TTC29: variants seen among roughly 807,000 people sequenced by gnomAD.
The protein encoded by TTC29 is tetratricopeptide repeat protein 29.
TTC29 carries 49 observed loss-of-function variants against 58.1 expected under a neutral mutation model. The ratio of observed to expected loss-of-function variants is 0.84; its 90% confidence interval spans 0.67 to 1.07. The LOEUF (loss-of-function observed/expected upper bound fraction) is 1.07, where lower values mean the gene tolerates loss of function less well. Ranked by LOEUF, TTC29 falls within the 50% of genes least tolerant of loss-of-function variation. The pLI, the probability that TTC29 is intolerant of heterozygous loss-of-function variation, is 0.00. For missense variants in TTC29, 582 were observed against 555.6 expected (o/e 1.05, Z -0.48); for synonymous variants, 209 against 196.8 (o/e 1.06, Z -0.52).
chr4:146,850,230 T>G (rs1277645484), intron 8 of TTC29, among the ~76,000 whole-genome samples: 3 of 152,190 alleles, frequency 2.0e-5, no homozygotes, highest in African/African-American at 2.4e-5. Flanking sequence ...TAACACCCCA[T>G]GCATTGGCAT....
chr4:146,943,595 A>C (rs945573056), intron 2 of TTC29, among the ~76,000 whole-genome samples: 5 of 152,314 alleles, frequency 3.3e-5, no homozygotes, highest in Non-Finnish European at 1.5e-5. Context: ...TCTCAGAATC[A>C]ATACGTGGCC....
intron 11 of TTC29, among the ~76,000 whole-genome samples, chr4:146,766,443 A>G (rs1475502347): frequency 6.6e-6 from 1 of 152,096 alleles, no homozygotes; most frequent in Non-Finnish European, 1.5e-5. Context: ...TGACATTCTT[A>G]AAGCATTGAT....
At chr4:146,721,931 G>C (rs551473187) in intron 11 of TTC29, among the ~76,000 whole-genome samples, 3 of 152,048 alleles carry the variant, frequency 2.0e-5, no homozygotes, top group South Asian at 2.1e-4. Flanking sequence ...CTGCCAAAAG[G>C]CTCCTGGAAC....
chr4:146,899,300 T>C (rs941003512), intron 6 of TTC29, among the ~76,000 whole-genome samples: 1 of 152,170 alleles, frequency 6.6e-6, no homozygotes, highest in Non-Finnish European at 1.5e-5. Context: ...TAGACCTCTG[T>C]GTGCAGCTCT....
At chr4:146,726,675 C>T (rs1227016894) in intron 11 of TTC29, among the ~76,000 whole-genome samples, 1 of 152,134 alleles carries the variant, frequency 6.6e-6, no homozygotes, top group Non-Finnish European at 1.5e-5. Context: ...ATGCATATTA[C>T]TGATGACTTT....
chr4:146,900,011 G>A (rs1025083663), intron 6 of TTC29, among the ~76,000 whole-genome samples: 5 of 152,128 alleles, frequency 3.3e-5, no homozygotes, highest in African/African-American at 4.8e-5. Flanking sequence ...GACCACCATC[G>A]CCTCAGAGGG....
chr4:146,908,976 G>C (rs1409651490), intron 5 of TTC29, 50 bp downstream of exon 5: 1 of 1,489,150 alleles, frequency 6.7e-7, no homozygotes, highest in Non-Finnish European at 9.3e-7. Context: ...TCCCCCAGGA[G>C]CTCGGTGTTC....
intron 11 of TTC29, among the ~76,000 whole-genome samples, chr4:146,722,251 C>G (rs942734949): frequency 2.0e-5 from 3 of 152,120 alleles, no homozygotes; most frequent in African/African-American, 7.2e-5. Flanking sequence ...TCCAAATCAA[C>G]CTGCAGATTC....
At chr4:146,736,729 GAAAT>G (rs1744736047) in intron 11 of TTC29, among the ~76,000 whole-genome samples, 1 of 152,186 alleles carries the variant, frequency 6.6e-6, no homozygotes, top group Non-Finnish European at 1.5e-5. Context: ...CCTGAAACCT[GAAAT>G]ACTCATGATG....
intron 11 of TTC29, among the ~76,000 whole-genome samples, chr4:146,751,421 T>C (rs1745981194): frequency 6.6e-6 from 1 of 152,178 alleles, no homozygotes; most frequent in South Asian, 2.1e-4. Context: ...TTTTCACTAG[T>C]GGACATAAAA....
intron 6 of TTC29, among the ~76,000 whole-genome samples, chr4:146,893,398 T>A (rs1231719859): frequency 6.6e-6 from 1 of 152,168 alleles, no homozygotes. Context: ...CCATCTGATC[T>A]TTGACAAACC....
chr4:146,938,277 C>T (rs558665517), intron 3 of TTC29, among the ~76,000 whole-genome samples: 2 of 152,236 alleles, frequency 1.3e-5, no homozygotes, highest in South Asian at 2.1e-4. Context: ...ATCAACCTCT[C>T]ATAACTATGA....
intron 11 of TTC29, among the ~76,000 whole-genome samples, chr4:146,795,120 G>A (rs1023568386): frequency 1.3e-5 from 2 of 152,102 alleles, no homozygotes; most frequent in African/African-American, 4.8e-5. Context: ...TGAAATGAAA[G>A]GAAGAGAAAA....
chr4:146,765,039 T>G (rs1283716868), intron 11 of TTC29, among the ~76,000 whole-genome samples: 1 of 152,132 alleles, frequency 6.6e-6, no homozygotes, highest in East Asian at 1.9e-4. Context: ...ACCAAAAAAG[T>G]CTTCATTAAT....
intron 11 of TTC29, among the ~76,000 whole-genome samples, chr4:146,718,737 T>G (rs1743128224): frequency 6.6e-6 from 1 of 152,186 alleles, no homozygotes; most frequent in African/African-American, 2.4e-5. Flanking sequence ...CTGTTTTTGC[T>G]TTTGTTGCTA....
At chr4:146,860,519 C>G (rs915198170) in intron 8 of TTC29, among the ~76,000 whole-genome samples, 1 of 151,966 alleles carries the variant, frequency 6.6e-6, no homozygotes, top group African/African-American at 2.4e-5. Context: ...GTATTGAATC[C>G]TATATTCACT....
At chr4:146,804,047 C>T (rs779817569) in intron 10 of TTC29, among the ~76,000 whole-genome samples, 19 of 152,106 alleles carry the variant, frequency 1.2e-4, no homozygotes, top group Non-Finnish European at 2.1e-4. Context: ...CTGAGGTAAC[C>T]GGCTCATCTC....
intron 6 of TTC29, among the ~76,000 whole-genome samples, chr4:146,895,461 T>C (rs1477659013): frequency 1.3e-5 from 2 of 152,204 alleles, no homozygotes; most frequent in Non-Finnish European, 2.9e-5. Context: ...TCCTTCATTC[T>C]TCACTTCTCA....
chr4:146,721,193 C>T (rs566731737), intron 11 of TTC29, among the ~76,000 whole-genome samples: 2 of 152,104 alleles, frequency 1.3e-5, no homozygotes, highest in South Asian at 2.1e-4. Context: ...AATGCTTGTC[C>T]CAATAAAAAT....
Sources: allele counts gnomAD v4.1 joint callset (sites outside exome capture counted in the v4.1 genomes callset), GRCh38; gene constraint gnomAD v4.1.1; transcripts MANE v1.5; gene names NCBI Gene and HGNC (gene_info 2026-07-23, HGNC 2026-07-21).